Variants in CHRDL1 observed in about 807,000 individuals in gnomAD.
CHRDL1 encodes the protein chordin-like protein 1.
CHRDL1 carries 19 observed loss-of-function variants against 40.9 expected under a neutral mutation model. The ratio of observed to expected loss-of-function variants is 0.46; its 90% CI spans 0.32 to 0.68. The LOEUF is 0.68. Ranked by LOEUF, CHRDL1 falls within the 30% of genes least tolerant of loss-of-function variation. The pLI is 0.03. For synonymous variants in CHRDL1, 136 were observed against 123.4 expected, an observed-to-expected ratio of 1.10 and a Z score of -0.68; for missense variants, 329 against 352.1, an observed-to-expected ratio of 0.93 and a Z score of 0.53.
intron 2 of CHRDL1, among the ~76,000 whole-genome samples, chrX:110,774,761 G>A (rs2089822026): frequency 9.0e-6 from 1 of 111,472 alleles, no homozygotes; most frequent in East Asian, 2.8e-4. Context: ...AAATATATTG[G>A]TTAACAGGAC....
At chrX:110,777,192 C>T (rs1425397774) in intron 2 of CHRDL1, among the ~76,000 whole-genome samples, 1 of 111,185 alleles carries the variant, frequency 9.0e-6, no homozygotes, top group Non-Finnish European at 1.9e-5. Flanking sequence ...TTCTTTTTGG[C>T]AATGAATAAT....
intron 9 of CHRDL1, among the ~76,000 whole-genome samples, chrX:110,686,041 C>T (rs1396436384): frequency 3.7e-5 from 4 of 109,309 alleles, no homozygotes; most frequent in Admixed American, 9.9e-5. Context: ...ACAGGAGGTA[C>T]GTGCCACCAT....
chrX:110,692,280 T>C (rs2070295200), intron 8 of CHRDL1, among the ~76,000 whole-genome samples: 1 of 111,483 alleles, frequency 9.0e-6, no homozygotes, highest in Admixed American at 9.6e-5. Context: ...AACATAGCCC[T>C]CTCCTTACCC....
chrX:110,755,285 G>A (rs1336156919), intron 4 of CHRDL1, among the ~76,000 whole-genome samples: 1 of 111,493 alleles, frequency 9.0e-6, no homozygotes, highest in African/African-American at 3.3e-5. Flanking sequence ...ACTTGGACAA[G>A]TGCTGATGAA....
At chrX:110,755,036 G>C (rs749300670) in intron 4 of CHRDL1, among the ~76,000 whole-genome samples, 1 of 110,287 alleles carries the variant, frequency 9.1e-6, no homozygotes, top group East Asian at 2.8e-4. Flanking sequence ...TTCCCTTCCA[G>C]CATTACCACT....
chrX:110,744,273 G>A lies in CHRDL1; in HGVS notation c.301+15388C>T, dbSNP rs192140874. Among the ~76,000 whole-genome samples the A allele has an allele frequency of 5.3e-5, 6 of 112,387 alleles. No homozygotes were observed. In the East Asian group the frequency reaches 1.4e-3, roughly 26 times the overall value. ...CAACTCCTCTTCCAAAGAGAACACA[G>A]AAAACATTGTAAGTTCAGTTTGGGG... On this transcript the variant is annotated intron_variant, in intron 4 of 11. Transcript: ENST00000372042.
intron 7 of CHRDL1, among the ~76,000 whole-genome samples, chrX:110,695,086 C>T (rs865824673): frequency 7.3e-5 from 8 of 110,154 alleles, no homozygotes; most frequent in Middle Eastern, 4.7e-3. Flanking sequence ...AGCATTGAAT[C>T]CTGATCATGC....
intron 2 of CHRDL1, among the ~76,000 whole-genome samples, chrX:110,790,110 T>C (rs1250310509): frequency 8.9e-6 from 1 of 112,159 alleles, no homozygotes; most frequent in African/African-American, 3.2e-5. Context: ...AGACAGCATA[T>C]ATAGGACATA....
Position 110,688,634 on chromosome X carries a change from G to A in CHRDL1, c.948C>T (p.Asp316=), listed in dbSNP as rs377115708. The A allele has an allele frequency of 1.4e-4, 168 of 1,207,889 alleles. 1 individual carries two copies. The highest frequency in any genetic ancestry group is 4.4e-4 in the East Asian group (15 of 33,722). ...RYPCKYPQKI[D]GKCCKVCPGK... is the part of the protein sequence containing the mutation. ...CTGGACACACCTTGCAGCATTTTCC[G>A]TCTATTTTTTGAGGATACTTGCAGG... The change falls in exon 9 of 12, where the codon GAC becomes GAT. Residue 316 remains aspartate, a synonymous_variant. Coordinates refer to ENST00000372042, the MANE Select transcript of CHRDL1 (RefSeq NM_001143981.2).
rs775317186 is a variant in CHRDL1, at chrX:110,715,157, G to C, written c.541+4678C>G. On this transcript the variant is annotated intron_variant, in intron 6 of 11. Coordinates refer to ENST00000372042, the MANE Select transcript of CHRDL1 (RefSeq NM_001143981.2). The stretch of plus-strand genomic sequence containing the variant: ...CAAGTATATAAAGGGACAATACATG[G>C]CCAGTAATAACTAGCTTTTATCTGT... 2.6e-3 allele frequency among the ~76,000 whole-genome samples: 286 copies of C among 111,368 alleles called. 1 individual carries two copies. Among genetic ancestry groups the C allele is most frequent in the African/African-American group, 8.5e-3 (260 of 30,696 alleles).
chrX:110,687,018 C>T (rs141844479), intron 9 of CHRDL1, among the ~76,000 whole-genome samples: 3,516 of 110,997 alleles, frequency 0.032, 144 homozygotes, highest in African/African-American at 0.11. Flanking sequence ...CCTGTCCACA[C>T]GCTGCCCCCT....
intron 2 of CHRDL1, among the ~76,000 whole-genome samples, chrX:110,765,709 A>G (rs1391955396): frequency 1.8e-5 from 2 of 112,045 alleles, no homozygotes; most frequent in Non-Finnish European, 3.8e-5. Context: ...AATTACTAAC[A>G]GACCTAAGAA....
At chrX:110,751,941 T>TA (rs2089366724) in intron 4 of CHRDL1, among the ~76,000 whole-genome samples, 1 of 111,792 alleles carries the variant, frequency 8.9e-6, no homozygotes, top group African/African-American at 3.3e-5. Context: ...TATTCAGCCA[T>TA]AAAAAATAAA....
intron 2 of CHRDL1, among the ~76,000 whole-genome samples, chrX:110,773,150 C>G (rs1274317272): frequency 8.9e-6 from 1 of 112,027 alleles, no homozygotes; most frequent in Non-Finnish European, 1.9e-5. Context: ...CTTTTTCTAG[C>G]TTCCCAGGGT....
At chrX:110,695,555 T>C (rs1352110098) in intron 7 of CHRDL1, among the ~76,000 whole-genome samples, 1 of 112,362 alleles carries the variant, frequency 8.9e-6, no homozygotes, top group Non-Finnish European at 1.9e-5. Context: ...CAAGTAAGAT[T>C]AATTGTATTT....
chrX:110,751,995 C>T (rs1312378327), intron 4 of CHRDL1, among the ~76,000 whole-genome samples: 1 of 112,074 alleles, frequency 8.9e-6, no homozygotes, highest in Non-Finnish European at 1.9e-5. Flanking sequence ...CTTGAAAATA[C>T]TAAGTTAAGC....
At chrX:110,706,832 C>T (rs376301317) in intron 6 of CHRDL1, among the ~76,000 whole-genome samples, 21 of 112,392 alleles carry the variant, frequency 1.9e-4, no homozygotes, top group African/African-American at 6.8e-4. Context: ...AAATGTGCCT[C>T]GGTTGAGATA....
chrX:110,761,444 G>T (rs1313373694), intron 3 of CHRDL1, among the ~76,000 whole-genome samples: 2 of 111,224 alleles, frequency 1.8e-5, no homozygotes, highest in Non-Finnish European at 3.8e-5. Flanking sequence ...CTTACAAAAG[G>T]TCTCAGGTAA....
chrX:110,765,569 A>C (rs1481643531), intron 2 of CHRDL1, among the ~76,000 whole-genome samples: 3 of 111,564 alleles, frequency 2.7e-5, no homozygotes, highest in Non-Finnish European at 5.7e-5. Flanking sequence ...CCCCACATTT[A>C]TGTTTTTGTT....
Sources: gnomAD v4.1 joint callset for allele counts (sites outside exome capture counted in the v4.1 genomes callset) on GRCh38, gnomAD v4.1.1 for gene constraint, MANE v1.5 for transcripts, NCBI Gene and HGNC (gene_info 2026-07-23, HGNC 2026-07-21) for gene names.